Variants in TRPM4 observed in about 807,000 individuals in gnomAD.
TRPM4 encodes calcium-activated non-selective cation channel 1.
TRPM4 carries 124 observed loss-of-function variants against 135.6 expected under a neutral mutation model. The observed-to-expected ratio is 0.91, with a 90% CI of 0.79 to 1.06. TRPM4 has a LOEUF of 1.06. Ranked by LOEUF, TRPM4 falls within the 50% of genes least tolerant of loss-of-function variation. TRPM4 has a pLI of 0.00. For missense variants in TRPM4, 1,658 were observed against 1,671.4 expected (o/e 0.99, Z 0.14); for synonymous variants, 745 against 705.6 (o/e 1.06, Z -0.88).
intron 20 of TRPM4, among the ~76,000 whole-genome samples, chr19:49,205,945 T>A (rs1969132184): frequency 6.6e-6 from 1 of 152,158 alleles, no homozygotes; most frequent in Admixed American, 6.6e-5. Flanking sequence ...TCTATCCTTA[T>A]GCCAGAACCA....
chr19:49,185,172 G>A (rs1968153749), intron 12 of TRPM4, among the ~76,000 whole-genome samples: 1 of 151,456 alleles, frequency 6.6e-6, no homozygotes, highest in Non-Finnish European at 1.5e-5. Flanking sequence ...TTTCCTCAGG[G>A]ATAGTTTCTA....
At position 49,183,203 on chromosome 19, in the gene TRPM4, C is replaced by A; in HGVS notation, c.1734C>A (p.Phe578Leu). ...ACAGGGCACAGATGGCCATGTACTT[C>A]TGGGAGATGGTGAGTGCTGACTTGG... ...LLNRAQMAMY[F>L]WEMGSNAVSS... Residue 578 changes from phenylalanine (F) to leucine (L), a missense_variant, in exon 12 of 25, where the codon TTC becomes TTA. By Grantham distance (22) the Phe-to-Leu change is conservative. Around this residue, in one of 3 missense-constraint regions of TRPM4, gnomAD observed 1,412 missense variants for 1,408.7 expected, o/e 1.00. Transcript: ENST00000252826. The A allele has an allele frequency of 6.2e-7, 1 of 1,614,158 alleles. No individual in the cohort carries two copies. The highest frequency in any genetic ancestry group is 1.1e-5 in the South Asian group (1 of 91,080).
chr19:49,193,063 C>A (rs1403042276), intron 16 of TRPM4, among the ~76,000 whole-genome samples: 1 of 144,784 alleles, frequency 6.9e-6, no homozygotes, highest in African/African-American at 2.6e-5. Context: ...GTGCTCAATT[C>A]TTTTGAAAAT....
rs903425793 is a variant in TRPM4, at chr19:49,167,979, G to T, written c.330G>T (p.Trp110Cys). Residue 110 changes from tryptophan (W) to cysteine (C), a missense_variant, in exon 4 of 25, where the codon TGG (tryptophan) becomes TGT (cysteine). Transcript: ENST00000252826. ...AAVYSLVTRTWGFRAPNLVVS... is the reference protein window; with the variant it reads ...AAVYSLVTRTCGFRAPNLVVS... Reference sequence around the variant, plus strand: ...TTTATAGTCTGGTCACACGCACATGGGGCTTCCGTGCCCCGAACCTGGTGG... The same window carrying T: ...TTTATAGTCTGGTCACACGCACATGTGGCTTCCGTGCCCCGAACCTGGTGG... 1 of 1,613,944 alleles carries T rather than the reference G, an allele frequency of 6.2e-7. No homozygotes were observed. Among genetic ancestry groups the T allele is most frequent in the East Asian group, 2.2e-5 (1 of 44,892 alleles).
chr19:49,211,145 C>G lies in TRPM4; in HGVS notation c.3535-19C>G. The G allele has an allele frequency of 1.9e-6, 3 of 1,607,624 alleles. No homozygotes were observed. The highest frequency in any genetic ancestry group is 1.7e-6 in the Non-Finnish European group (2 of 1,177,426). On this transcript the variant is annotated intron_variant, in intron 23 of 24. Coordinates refer to ENST00000252826, the MANE Select transcript of TRPM4 (RefSeq NM_017636.4). The surrounding 1 kb of genome is among the most constrained non-coding windows in gnomAD (Gnocchi z 4.8). ...GCAGGGGTCCCATCTCCCGCTCTGA[C>G]ATTCCTCCCATTCCGCAGGTCCAGC...
chr19:49,203,175 G>A (rs1025351780), intron 20 of TRPM4, among the ~76,000 whole-genome samples: 17 of 151,508 alleles, frequency 1.1e-4, no homozygotes, highest in Admixed American at 3.9e-4. Context: ...ACAGGCGTGA[G>A]CCACCGCGCC....
At chr19:49,188,364 C>T (rs1043531541) in intron 12 of TRPM4, among the ~76,000 whole-genome samples, 1 of 152,188 alleles carries the variant, frequency 6.6e-6, no homozygotes, top group African/African-American at 2.4e-5. Flanking sequence ...CTTTACCCAG[C>T]CTCCAACTGC....
At chr19:49,196,285 A>G (rs1269123408) in intron 16 of TRPM4, among the ~76,000 whole-genome samples, 155 bp from the exon 17 acceptor site, 1 of 152,188 alleles carries the variant, frequency 6.6e-6, no homozygotes, top group East Asian at 1.9e-4. Flanking sequence ...CAGAGGTTAG[A>G]TACAAGAGTC....
intron 16 of TRPM4, among the ~76,000 whole-genome samples, chr19:49,191,218 T>A (rs902604470): frequency 6.6e-6 from 1 of 152,162 alleles, no homozygotes; most frequent in African/African-American, 2.4e-5. Flanking sequence ...TTTTTTCTTT[T>A]TTTTTGATAC....
At chr19:49,182,081 C>T (rs868770452) in intron 10 of TRPM4, among the ~76,000 whole-genome samples, 30 of 128,758 alleles carry the variant, frequency 2.3e-4, no homozygotes, top group African/African-American at 8.3e-4. Flanking sequence ...TCCATCCATC[C>T]ATCCATCCAT....
chr19:49,205,230 G>A (rs530623214), intron 20 of TRPM4, among the ~76,000 whole-genome samples: 4 of 152,016 alleles, frequency 2.6e-5, no homozygotes, highest in African/African-American at 7.2e-5. Context: ...CAAGGCATCC[G>A]TCAAGCTGTT....
At chr19:49,177,216 A>G (rs140361109) in intron 9 of TRPM4, among the ~76,000 whole-genome samples, 2,053 of 150,998 alleles carry the variant, frequency 0.014, 42 homozygotes, top group Middle Eastern at 0.024. Context: ...GCCCAGCAGG[A>G]GTGGAAGTGA....
chr19:49,181,591 G>A (rs1207969137), intron 10 of TRPM4, 130 bp downstream of exon 10: 3 of 664,914 alleles, frequency 4.5e-6, no homozygotes, highest in Non-Finnish European at 7.5e-6. Context: ...GAGTGCAGAG[G>A]TGTGATCCCA....
intron 17 of TRPM4, 38 bp from the exon 18 acceptor site, chr19:49,200,262 G>A: frequency 1.2e-6 from 2 of 1,614,146 alleles, no homozygotes; most frequent in Admixed American, 1.7e-5. Context: ...TTGGCGTCTT[G>A]TGACACTTGA....
chr19:49,197,326 T>C (rs1442625943), intron 17 of TRPM4, among the ~76,000 whole-genome samples: 3,663 of 134,262 alleles, frequency 0.027, 179 homozygotes, highest in African/African-American at 0.11. Context: ...CTTTCTTTCT[T>C]TCTTTCTTTC....
rs1488759732 is a variant in TRPM4, at chr19:49,200,256, C to T, written c.2646-44C>T. The T allele has an allele frequency of 5.6e-6, 9 of 1,613,922 alleles. No individual in the cohort carries two copies. The Admixed American group carries it at 6.7e-5, about 12-fold the overall frequency. ...TTGGGAAGACTTCCATTTTCCTTGGCGTCTTGTGACACTTGACCCTTGTGG... is the reference window on the plus strand; with the variant it reads ...TTGGGAAGACTTCCATTTTCCTTGGTGTCTTGTGACACTTGACCCTTGTGG... On this transcript the variant is annotated intron_variant, in intron 17 of 24. Coordinates refer to ENST00000252826, the MANE Select transcript of TRPM4 (RefSeq NM_017636.4).
At chr19:49,190,418 T>C in intron 15 of TRPM4, 98 bp downstream of exon 15, 2 of 1,124,956 alleles carry the variant, frequency 1.8e-6, no homozygotes, top group South Asian at 2.7e-5. Context: ...ATCGGCCCAT[T>C]GTGTCCCTTC....
Position 49,183,149 on chromosome 19 carries a change from C to T in TRPM4, c.1680C>T (p.Ser560=), listed in dbSNP as rs1242566826. The change falls in exon 12 of 25, where the codon AGC becomes AGT. Residue 560 remains serine (S), a synonymous_variant. Transcript: ENST00000252826. The part of the protein sequence containing the change: ...LDAGLGQAPW[S]DLLLWALLLN... The stretch of plus-strand genomic sequence containing the variant: ...CTGGCCTCGGGCAGGCCCCCTGGAG[C>T]GACCTGCTTCTTTGGGCACTGTTGC... The T allele has an allele frequency of 1.2e-5, 19 of 1,614,032 alleles. No individual in the cohort carries two copies. Among genetic ancestry groups the T allele is most frequent in the Non-Finnish European group, 1.6e-5 (19 of 1,180,020 alleles).
At chr19:49,179,352 G>A (rs1967827996) in intron 9 of TRPM4, among the ~76,000 whole-genome samples, 1 of 151,416 alleles carries the variant, frequency 6.6e-6, no homozygotes, top group South Asian at 2.1e-4. Context: ...ACAGCATCCA[G>A]CCTATTATTA....
Sources: gnomAD v4.1 joint callset for allele counts (sites outside exome capture counted in the v4.1 genomes callset) on GRCh38, gnomAD v4.1.1 for gene constraint, gnomAD v4.1.1 regional missense constraint, Gnocchi (gnomAD v3.1) non-coding constraint, MANE v1.5 for transcripts, NCBI Gene and HGNC (gene_info 2026-07-23, HGNC 2026-07-21) for gene names.